Variants in MMS19 observed in about 807,000 individuals in gnomAD.
MMS19 encodes MMS19 nucleotide excision repair protein homolog.
In MMS19, 77 loss-of-function variants were observed where a neutral mutation model predicts 129.8. The ratio of observed to expected loss-of-function variants is 0.59; its 90% CI spans 0.49 to 0.72. MMS19 has a LOEUF of 0.72. Among genes scored for constraint, MMS19 ranks in the 30% least tolerant of loss-of-function variants. The pLI, the probability that MMS19 is intolerant of heterozygous loss-of-function variation, is 0.00. For missense variants in MMS19, 1,168 were observed against 1,266.3 expected (o/e 0.92, Z 1.18); for synonymous variants, 491 against 502.8 (o/e 0.98, Z 0.31).
chr10:97,467,697 T>C (rs1055831326), intron 13 of MMS19, 114 bp from the exon 14 acceptor site: 3 of 945,752 alleles, frequency 3.2e-6, no homozygotes, highest in African/African-American at 3.3e-5. Context: ...GGTTTTGCTA[T>C]GCCACAGCCA....
At chr10:97,469,158 C>T in intron 11 of MMS19, 54 bp from the exon 12 acceptor site, 3 of 1,526,110 alleles carry the variant, frequency 2.0e-6, no homozygotes, top group Non-Finnish European at 1.7e-6. Flanking sequence ...AGATGAGACC[C>T]CACCAATCCA....
intron 1 of MMS19, among the ~76,000 whole-genome samples, chr10:97,485,910 G>A (rs2037765395): frequency 6.6e-6 from 1 of 152,214 alleles, no homozygotes; most frequent in Admixed American, 6.5e-5. Context: ...ATGGAAAACA[G>A]CATGGAGGTT....
chr10:97,481,123 C>T (rs2036719145), intron 2 of MMS19, 81 bp from the exon 3 acceptor site: 2 of 899,306 alleles, frequency 2.2e-6, no homozygotes, highest in East Asian at 2.6e-5. Flanking sequence ...ATTAGTCACA[C>T]TCACCCCCTG....
intron 2 of MMS19, among the ~76,000 whole-genome samples, chr10:97,482,684 T>C (rs2037010188): frequency 2.0e-5 from 3 of 151,614 alleles, no homozygotes; most frequent in African/African-American, 4.9e-5. Flanking sequence ...CTTTATGATA[T>C]GTGAATCATA....
intron 19 of MMS19, chr10:97,463,128 A>T (rs2095412): frequency 0.94 from 145,249 of 153,728 alleles, 68,794 homozygotes; most frequent in Non-Finnish European, 0.98. Flanking sequence ...CTATACACTA[A>T]CTTATTTAAT....
chr10:97,461,791 G>C (rs2032024698), intron 22 of MMS19, 37 bp downstream of exon 22: 1 of 1,588,400 alleles, frequency 6.3e-7, no homozygotes, highest in South Asian at 1.1e-5. Flanking sequence ...ACCTTGTCAA[G>C]GTTAAATAAC....
chr10:97,465,263 G>C (rs547931106), intron 18 of MMS19, among the ~76,000 whole-genome samples: 1 of 152,120 alleles, frequency 6.6e-6, no homozygotes. Flanking sequence ...GCCTCCCAAA[G>C]TGCTGGGATT....
chr10:97,460,665 T>G, intron 25 of MMS19, 30 bp downstream of exon 25: 1 of 1,561,684 alleles, frequency 6.4e-7, no homozygotes, highest in South Asian at 1.2e-5. Flanking sequence ...GTTTAGGTCC[T>G]GGGTTCTTCT....
intron 1 of MMS19, among the ~76,000 whole-genome samples, chr10:97,486,862 C>CATATATATAT (rs148575472): frequency 0.036 from 3,064 of 84,166 alleles, 179 homozygotes; most frequent in Non-Finnish European, 0.051. Context: ...ATTAAAGTGC[C>CATATATATAT]ATATATATAT....
chr10:97,462,533 G>A (rs1444273226), intron 20 of MMS19, 50 bp downstream of exon 20: 1 of 1,378,238 alleles, frequency 7.3e-7, no homozygotes, highest in Non-Finnish European at 1.0e-6. Context: ...TTCTTCCTAA[G>A]AATGCTATCC....
intron 23 of MMS19, 80 bp from the exon 24 acceptor site, chr10:97,461,087 A>T: frequency 8.6e-7 from 1 of 1,168,882 alleles, no homozygotes; most frequent in South Asian, 1.5e-5. Flanking sequence ...CTTTAAGTGC[A>T]GAGCTCCCTG....
intron 18 of MMS19, among the ~76,000 whole-genome samples, chr10:97,465,260 A>G (rs780256993): frequency 7.9e-5 from 12 of 151,946 alleles, no homozygotes; most frequent in Non-Finnish European, 1.2e-4. Flanking sequence ...TCAGCCTCCC[A>G]AAGTGCTGGG....
intron 1 of MMS19, among the ~76,000 whole-genome samples, chr10:97,497,292 GT>G (rs1829402512): frequency 6.6e-6 from 1 of 152,170 alleles, no homozygotes. Flanking sequence ...TTGAATTAAA[GT>G]GGAATACTGC....
chr10:97,462,906 TTAGAC>T (rs1323901346), intron 19 of MMS19: 2 of 487,368 alleles, frequency 4.1e-6, no homozygotes, highest in African/African-American at 2.0e-5. Context: ...TGCACAGTCT[TTAGAC>T]TAGGCCAACA....
intron 1 of MMS19, 32 bp downstream of exon 1, chr10:97,498,241 A>T: frequency 6.5e-7 from 1 of 1,528,538 alleles, no homozygotes; most frequent in African/African-American, 1.4e-5. Context: ...GTTGGCCCCC[A>T]TGCGGAAGGC....
chr10:97,470,869 A>T lies in MMS19; in HGVS notation c.685-8T>A, dbSNP rs763172736. The T allele has an allele frequency of 2.5e-6, 4 of 1,612,146 alleles. No homozygotes were observed. The African/African-American group carries it at 4.0e-5, about 16-fold the overall frequency. The stretch of plus-strand genomic sequence containing the variant: ...ATGGGGATCATTAGGTGGCTGGAAA[A>T]GGGAGAAGGGCTGTGGGTTTGTGTA... On this transcript the variant is annotated splice_region_variant and splice_polypyrimidine_tract_variant and intron_variant, in intron 8 of 30. Coordinates refer to ENST00000438925, the MANE Select transcript of MMS19 (RefSeq NM_022362.5).
upstream of MMS19, chr10:97,498,718 A>C: frequency 8.5e-6 from 3 of 352,080 alleles, no homozygotes; most frequent in Non-Finnish European, 1.0e-5. Context: ...CAATGAGAAA[A>C]TCAGGCCCAG....
intron 19 of MMS19, chr10:97,462,977 G>A: frequency 3.1e-6 from 1 of 322,216 alleles, no homozygotes; most frequent in Non-Finnish European, 5.7e-6. Context: ...TAGAAATGTT[G>A]TCCCTGGTGT....
intron 11 of MMS19, 33 bp downstream of exon 11, chr10:97,469,613 T>C: frequency 6.4e-7 from 1 of 1,555,196 alleles, no homozygotes; most frequent in South Asian, 1.1e-5. Flanking sequence ...AATTGAAAGT[T>C]AACAGTAGTG....
Sources: gnomAD v4.1 joint callset for allele counts (sites outside exome capture counted in the v4.1 genomes callset) on GRCh38, gnomAD v4.1.1 for gene constraint, MANE v1.5 for transcripts, NCBI Gene and HGNC (gene_info 2026-07-23, HGNC 2026-07-21) for gene names.